Variants in ADAMTS20 observed in about 807,000 individuals in gnomAD.
ADAMTS20 encodes the protein A disintegrin and metalloproteinase with thrombospondin motifs 20.
Under a neutral mutation model 260.1 loss-of-function variants are expected in ADAMTS20, and 225 were observed. The ratio of observed to expected loss-of-function variants is 0.87; its 90% CI spans 0.78 to 0.97. The LOEUF (loss-of-function observed/expected upper bound fraction) is 0.97. ADAMTS20 is among the 50% of genes least tolerant of loss of function. The probability of loss-of-function intolerance (pLI) is 0.00; values close to 1 mark genes in which losing one functional copy is unlikely to be tolerated. For missense variants in ADAMTS20, 2,400 were observed against 2,337.7 expected (o/e 1.03, Z -0.55); for synonymous variants, 802 against 769.5 (o/e 1.04, Z -0.70).
chr12:43,472,305 G>T (rs1942278446), intron 7 of ADAMTS20, among the ~76,000 whole-genome samples: 1 of 151,836 alleles, frequency 6.6e-6, no homozygotes, highest in African/African-American at 2.4e-5. Flanking sequence ...GAAAAGAAAT[G>T]AGCAAAGCCT....
In ADAMTS20 at chr12:43,383,679, G is replaced by A. The variant is rs1940405234; in HGVS notation, c.4676C>T (p.Thr1559Ile). Residue 1559 changes from threonine to isoleucine, a missense_variant, in exon 31 of 39, where the codon ACA (threonine) becomes ATA (isoleucine). By Grantham distance (89) the Thr-to-Ile change is moderately conservative. Transcript: ENST00000389420. Reference sequence around the variant, plus strand: ...ATTCACTTGTCTGATTTGGTTATCTGTGCACTCCATTCGTTGATGTGAATC... The same window carrying A: ...ATTCACTTGTCTGATTTGGTTATCTATGCACTCCATTCGTTGATGTGAATC... ...RKDSHQRMECTDNQIRQVNEI... is the reference protein window; with the variant it reads ...RKDSHQRMECIDNQIRQVNEI... 1 of 1,613,892 alleles carries A rather than the reference G, an allele frequency of 6.2e-7. No individual in the cohort carries two copies. Among genetic ancestry groups the A allele is most frequent in the Non-Finnish European group, 8.5e-7 (1 of 1,179,838 alleles).
At chr12:43,410,389 A>T (rs1941009411) in intron 28 of ADAMTS20, among the ~76,000 whole-genome samples, 2 of 152,232 alleles carry the variant, frequency 1.3e-5, no homozygotes, top group African/African-American at 4.8e-5. Flanking sequence ...AAGGAAAAAA[A>T]CAGTGATTAA....
chr12:43,479,456 G>C (rs1281971672), intron 7 of ADAMTS20, among the ~76,000 whole-genome samples: 1 of 151,970 alleles, frequency 6.6e-6, no homozygotes, highest in Non-Finnish European at 1.5e-5. Flanking sequence ...GAAATATCAA[G>C]ATTGCAAAGA....
intron 37 of ADAMTS20, among the ~76,000 whole-genome samples, chr12:43,359,106 G>A (rs1456534882): frequency 4.6e-5 from 7 of 152,080 alleles, no homozygotes; most frequent in South Asian, 2.1e-4. Flanking sequence ...GAGTAGATAC[G>A]TAGTATGAAA....
At chr12:43,375,253 G>T in intron 36 of ADAMTS20, 126 bp downstream of exon 36, 23 of 789,566 alleles carry the variant, frequency 2.9e-5, no homozygotes, top group East Asian at 8.3e-5. Flanking sequence ...TTTAAAAAAA[G>T]TAAGTAATTT....
At chr12:43,538,393 A>C (rs1159993678) in intron 2 of ADAMTS20, among the ~76,000 whole-genome samples, 2 of 152,122 alleles carry the variant, frequency 1.3e-5, no homozygotes, top group African/African-American at 2.4e-5. Context: ...AAGTTGTTTG[A>C]ACTCCTTATA....
chr12:43,550,541 G>A (rs536181492), intron 2 of ADAMTS20, among the ~76,000 whole-genome samples: 152 of 152,160 alleles, frequency 1.0e-3, no homozygotes, highest in Middle Eastern at 3.4e-3. Flanking sequence ...AAATCCGGGG[G>A]ATTCTGCCTC....
intron 28 of ADAMTS20, among the ~76,000 whole-genome samples, chr12:43,417,027 A>T (rs1941145705): frequency 6.6e-6 from 1 of 152,094 alleles, no homozygotes; most frequent in South Asian, 2.1e-4. Context: ...AGTTATTTGC[A>T]TGTATATTTA....
At chr12:43,501,287 C>T (rs1426373115) in intron 4 of ADAMTS20, among the ~76,000 whole-genome samples, 2 of 151,518 alleles carry the variant, frequency 1.3e-5, no homozygotes, top group Non-Finnish European at 1.5e-5. Flanking sequence ...CTTGAACTTC[C>T]GACCTCAGGT....
chr12:43,383,750 G>A, intron 30 of ADAMTS20, 22 bp from the exon 31 acceptor site: 1 of 1,613,548 alleles, frequency 6.2e-7, no homozygotes, highest in Non-Finnish European at 8.5e-7. Flanking sequence ...ATAACCAAAT[G>A]AATAACACAT....
chr12:43,356,867 T>C (rs1172905558), intron 37 of ADAMTS20, among the ~76,000 whole-genome samples: 1 of 152,186 alleles, frequency 6.6e-6, no homozygotes, highest in Non-Finnish European at 1.5e-5. Flanking sequence ...ATTGCTAACT[T>C]CTATGCTGTT....
Position 43,376,622 on chromosome 12 carries a change from T to C in ADAMTS20, c.5027A>G (p.Lys1676Arg), listed in dbSNP as rs1940235124. The C allele has an allele frequency of 1.2e-6, 2 of 1,613,108 alleles. No homozygotes were observed. The highest frequency in any genetic ancestry group is 1.7e-6 in the Non-Finnish European group (2 of 1,179,628). Reference sequence around the variant, plus strand: ...TTTGGTAATGCATTTCACTTGTCTCTTCATTATCCCAATTCCACAAGTCAC... The same window carrying C: ...TTTGGTAATGCATTTCACTTGTCTCCTCATTATCCCAATTCCACAAGTCAC... The part of the protein sequence containing the change: ...CSVTCGIGIM[K>R]RQVKCITKHG... Residue 1676 changes from lysine (K) to arginine (R), a missense_variant, in exon 33 of 39, where the codon AAG becomes AGG. By Grantham distance (26) the Lys-to-Arg change is conservative. Coordinates refer to ENST00000389420, the MANE Select transcript of ADAMTS20 (RefSeq NM_025003.5).
At chr12:43,507,775 C>T (rs1290961077) in intron 3 of ADAMTS20, among the ~76,000 whole-genome samples, 7 of 152,114 alleles carry the variant, frequency 4.6e-5, no homozygotes, top group East Asian at 1.9e-4. Flanking sequence ...ATAAAGAAAA[C>T]GTGGTATATA....
At chr12:43,550,120 G>C (rs970434855) in intron 2 of ADAMTS20, among the ~76,000 whole-genome samples, 1 of 152,066 alleles carries the variant, frequency 6.6e-6, no homozygotes, top group Non-Finnish European at 1.5e-5. Context: ...TCCTTACCCT[G>C]GGGTTCCATG....
chr12:43,517,096 G>A (rs372336012), intron 3 of ADAMTS20, among the ~76,000 whole-genome samples: 1 of 151,900 alleles, frequency 6.6e-6, no homozygotes, highest in African/African-American at 2.4e-5. Flanking sequence ...AAGAAAAACC[G>A]ACAACAAACA....
chr12:43,539,244 C>T (rs923165034), intron 2 of ADAMTS20, among the ~76,000 whole-genome samples: 1 of 152,112 alleles, frequency 6.6e-6, no homozygotes, highest in Non-Finnish European at 1.5e-5. Flanking sequence ...AGCCACCACG[C>T]CCAGGCTTTA....
At chr12:43,514,933 A>G (rs1472032906) in intron 3 of ADAMTS20, among the ~76,000 whole-genome samples, 1 of 152,244 alleles carries the variant, frequency 6.6e-6, no homozygotes, top group Non-Finnish European at 1.5e-5. Flanking sequence ...AGAACATGGC[A>G]TAACGCTATT....
intron 6 of ADAMTS20, among the ~76,000 whole-genome samples, chr12:43,492,173 G>A (rs1565570532): frequency 6.6e-6 from 1 of 152,156 alleles, no homozygotes; most frequent in South Asian, 2.1e-4. Context: ...GAGGTCAGGA[G>A]ATCGAGACCA....
chr12:43,499,783 G>C (rs569906676), intron 4 of ADAMTS20, among the ~76,000 whole-genome samples: 2 of 152,026 alleles, frequency 1.3e-5, no homozygotes, highest in Non-Finnish European at 2.9e-5. Context: ...GATTACAGGC[G>C]TGAGCCATGG....
Sources: allele counts gnomAD v4.1 joint callset (sites outside exome capture counted in the v4.1 genomes callset), GRCh38; gene constraint gnomAD v4.1.1; transcripts MANE v1.5; gene names NCBI Gene and HGNC (gene_info 2026-07-23, HGNC 2026-07-21).